The following PHC2 variants were observed in gnomAD, a reference collection of about 807,000 sequenced individuals.
PHC2 encodes the protein polyhomeotic-like protein 2.
Under a neutral mutation model 87.4 loss-of-function variants are expected in PHC2, and 29 were observed. The ratio of observed to expected loss-of-function variants is 0.33; its 90% CI spans 0.25 to 0.45. PHC2 has a LOEUF of 0.45. PHC2 is among the 20% of genes least tolerant of loss of function. PHC2 has a pLI of 1.00. For missense variants in PHC2, 857 were observed against 1,136.7 expected (o/e 0.75, Z 3.54); for synonymous variants, 438 against 461.7 (o/e 0.95, Z 0.66).
intron 1 of PHC2, among the ~76,000 whole-genome samples, chr1:33,392,387 C>T (rs114098261): frequency 1.3e-5 from 2 of 152,124 alleles, no homozygotes; most frequent in African/African-American, 2.4e-5. Context: ...CATTCACATG[C>T]GCGTTCTCAC....
intron 1 of PHC2, among the ~76,000 whole-genome samples, chr1:33,375,981 G>A (rs867179026): frequency 5.8e-4 from 88 of 152,304 alleles, no homozygotes; most frequent in African/African-American, 2.0e-3. Flanking sequence ...ACCAGGTGAC[G>A]ACTATGCAGT....
In PHC2 at chr1:33,349,297, G is replaced by C; in HGVS notation, c.1558+5104C>G. 1 of 985,430 alleles carries C rather than the reference G, an allele frequency of 1.0e-6. No homozygotes were observed. The highest frequency in any genetic ancestry group is 1.2e-6 in the Non-Finnish European group (1 of 829,952). 61.0% of individuals were successfully genotyped at this position (985,430 alleles called of 1,614,324 possible). A position where few individuals can be genotyped will look rare whatever the true frequency, so the allele number is the denominator to read the frequency against. ...CCCAGGGAAGTCGCAGCGGCGGGGA[G>C]GCCGGTCCTAGGTTGGGGCTGGGGT... is the stretch of plus-strand genomic sequence containing the variant. On this transcript the variant is annotated intron_variant, in intron 9 of 14. Coordinates refer to ENST00000683057, the MANE Select transcript of PHC2 (RefSeq NM_001385109.1). The surrounding 1 kb of genome is among the most constrained non-coding windows in gnomAD (Gnocchi z 4.2).
intron 1 of PHC2, among the ~76,000 whole-genome samples, chr1:33,387,485 T>A (rs936232215): frequency 3.3e-5 from 5 of 152,198 alleles, no homozygotes; most frequent in Non-Finnish European, 5.9e-5. Flanking sequence ...ATGTAGATGG[T>A]CTTTTATCCA....
rs1375683726 is a variant in PHC2, at chr1:33,349,958, G to A, written c.1558+4443C>T. 2.4e-6 allele frequency: 1 copy of A among 417,414 alleles called. No homozygotes were observed. Among genetic ancestry groups the A allele is most frequent in the Non-Finnish European group, 3.2e-6 (1 of 312,572 alleles). The allele number at this position is 417,414 out of a possible 1,614,324, so 25.9% of individuals were successfully genotyped here. A position where few individuals can be genotyped will look rare whatever the true frequency, so the allele number is the denominator to read the frequency against. On this transcript the variant is annotated intron_variant, in intron 9 of 14. Coordinates refer to ENST00000683057, the MANE Select transcript of PHC2 (RefSeq NM_001385109.1). This position sits in a 1 kb window ranked among gnomAD's most constrained non-coding sequence, Gnocchi z 4.2. Reference sequence around the variant, plus strand: ...GCCGGGGGCGGGGCGAGGGAGCGGGGCGGGGAGGGGCGGGGCCGCGGGAGG... The same window carrying A: ...GCCGGGGGCGGGGCGAGGGAGCGGGACGGGGAGGGGCGGGGCCGCGGGAGG...
At chr1:33,378,558 A>C (rs1285737829) in intron 1 of PHC2, among the ~76,000 whole-genome samples, 1 of 152,224 alleles carries the variant, frequency 6.6e-6, no homozygotes, top group East Asian at 1.9e-4. Flanking sequence ...GCAGAAAATT[A>C]AGAGGGTAGA....
chr1:33,408,710 C>T (rs1353598040), intron 1 of PHC2, among the ~76,000 whole-genome samples: 1 of 152,148 alleles, frequency 6.6e-6, no homozygotes, highest in Non-Finnish European at 1.5e-5. Context: ...TGTGATCTGC[C>T]TGCCTCGGCC....
At chr1:33,403,325 C>T (rs1041998148) in intron 1 of PHC2, among the ~76,000 whole-genome samples, 2 of 151,386 alleles carry the variant, frequency 1.3e-5, no homozygotes, top group Non-Finnish European at 2.9e-5. Context: ...CAGGGGTTCA[C>T]CATGTTGGCC....
At position 33,357,104 on chromosome 1, in the gene PHC2, C is replaced by T. The variant is rs553265675; in HGVS notation, c.977-1851G>A. On this transcript the variant is annotated intron_variant, in intron 7 of 14. Coordinates refer to ENST00000683057, the MANE Select transcript of PHC2 (RefSeq NM_001385109.1). The stretch of plus-strand genomic sequence containing the variant: ...GATGAAGCAGCTCAGCTGAATCTGT[C>T]CTGTTTAAAAACTGCCCTCCACAGA... Among the ~76,000 whole-genome samples the T allele has an allele frequency of 2.6e-5, 4 of 152,356 alleles. No homozygotes were observed. In the South Asian group the frequency reaches 8.3e-4, roughly 32 times the overall value.
chr1:33,341,335 G>T (rs537548187), intron 9 of PHC2, among the ~76,000 whole-genome samples: 3 of 152,344 alleles, frequency 2.0e-5, no homozygotes, highest in South Asian at 4.1e-4. Flanking sequence ...CTGATTAGCC[G>T]TGGATAGCAC....
At position 33,375,309 on chromosome 1, in the gene PHC2, C is replaced by T. The variant is rs571172991; in HGVS notation, c.174+57G>A. 2.9e-6 allele frequency: 4 copies of T among 1,386,272 alleles called. No individual in the cohort carries two copies. In the South Asian group the frequency reaches 6.4e-5, roughly 22 times the overall value. 85.9% of individuals were successfully genotyped at this position (1,386,272 alleles called of 1,614,324 possible). On this transcript the variant is annotated intron_variant, in intron 2 of 14. Transcript: ENST00000683057. ...CACCAGACCATGCCAACACCTCCTCCTTGCTAGCCCTGGAGATGATTAAGG... is the reference window on the plus strand; with the variant it reads ...CACCAGACCATGCCAACACCTCCTCTTTGCTAGCCCTGGAGATGATTAAGG...
In PHC2 at chr1:33,332,668, A is replaced by G. The variant is rs752445486; in HGVS notation, c.1762-264T>C. Among the ~76,000 whole-genome samples, 2 of 152,164 alleles carry G rather than the reference A, an allele frequency of 1.3e-5. No individual in the cohort carries two copies. The highest frequency in any genetic ancestry group is 2.9e-5 in the Non-Finnish European group (2 of 68,018). ...GGCTCAGGAGATTAGGAAAATGTCT[A>G]TTCCAGTAAGAGTCTAAGGGCTGAG... On this transcript the variant is annotated intron_variant, in intron 10 of 14. Transcript: ENST00000683057. This position sits in a 1 kb window ranked among gnomAD's most constrained non-coding sequence, Gnocchi z 4.2.
chr1:33,403,270 C>G (rs12728559), intron 1 of PHC2, among the ~76,000 whole-genome samples: 73,191 of 150,284 alleles, frequency 0.49, 18,998 homozygotes, highest in South Asian at 0.61. Flanking sequence ...GGGACTACAG[C>G]TACCCACCAC....
At chr1:33,385,104 A>G (rs149181110) in intron 1 of PHC2, among the ~76,000 whole-genome samples, 1 of 152,294 alleles carries the variant, frequency 6.6e-6, no homozygotes, top group East Asian at 1.9e-4. Flanking sequence ...GAGAGGGGAA[A>G]TGAAAGATGA....
intron 9 of PHC2, among the ~76,000 whole-genome samples, chr1:33,343,183 C>T (rs1040509082): frequency 9.9e-5 from 15 of 152,098 alleles, no homozygotes; most frequent in South Asian, 2.1e-4. Context: ...CTCTAGGCGG[C>T]CAGGTACAGT....
chr1:33,338,238 A>G (rs1414740299), intron 9 of PHC2, among the ~76,000 whole-genome samples: 1 of 152,266 alleles, frequency 6.6e-6, no homozygotes, highest in Non-Finnish European at 1.5e-5. Context: ...CAAAGGCTAC[A>G]GAGCCAATGC....
intron 9 of PHC2, chr1:33,346,016 C>A (rs187447331): frequency 2.0e-6 from 2 of 985,182 alleles, no homozygotes; most frequent in African/African-American, 3.5e-5. Context: ...ACTGGTGACT[C>A]ATAGTTTAAA....
At chr1:33,328,767 TGA>T in intron 14 of PHC2, 101 bp downstream of exon 14, 1 of 1,162,534 alleles carries the variant, frequency 8.6e-7, no homozygotes. Flanking sequence ...TTCCTGAACC[TGA>T]GTCATTAACT....
Position 33,332,163 on chromosome 1 carries a change from T to C in PHC2, c.1891+112A>G. On this transcript the variant is annotated intron_variant, in intron 11 of 14. Transcript: ENST00000683057. The surrounding 1 kb of genome is among the most constrained non-coding windows in gnomAD (Gnocchi z 4.2). ...CTGAGGAGGTGCTGGGGGAAATGTTTACAGACTCGCTGGCTCAGGGTTCCT... is the reference window on the plus strand; with the variant it reads ...CTGAGGAGGTGCTGGGGGAAATGTTCACAGACTCGCTGGCTCAGGGTTCCT... The C allele has an allele frequency of 8.1e-7, 1 of 1,238,402 alleles. No homozygotes were observed. The highest frequency in any genetic ancestry group is 1.2e-6 in the Non-Finnish European group (1 of 866,830). The allele number at this position is 1,238,402 out of a possible 1,614,324, so 76.7% of individuals were successfully genotyped here.
Position 33,375,583 on chromosome 1 carries a change from G to A in PHC2, c.-44C>T. 3 of 1,427,894 alleles carry A rather than the reference G, an allele frequency of 2.1e-6. No individual in the cohort carries two copies. The highest frequency in any genetic ancestry group is 2.7e-5 in the East Asian group (1 of 37,466). The allele number at this position is 1,427,894 out of a possible 1,614,324, so 88.5% of individuals were successfully genotyped here. On this transcript the variant is annotated 5_prime_UTR_variant, in exon 2 of 15. Transcript: ENST00000683057. ...GTCAGGGCGCTCGGATGGCAGAAGG[G>A]CAGGCAGATGCTAGGAGGGAAGAGG...
Sources: gnomAD v4.1 joint callset for allele counts (sites outside exome capture counted in the v4.1 genomes callset) on GRCh38, gnomAD v4.1.1 for gene constraint, Gnocchi (gnomAD v3.1) non-coding constraint, MANE v1.5 for transcripts, NCBI Gene and HGNC (gene_info 2026-07-23, HGNC 2026-07-21) for gene names.